GRM8: variants seen among roughly 807,000 people sequenced by gnomAD.
GRM8 encodes glutamate metabotropic receptor 8, also known as metabotropic glutamate receptor 8.
GRM8 carries 47 observed loss-of-function variants against 87.2 expected under a neutral mutation model. The ratio of observed to expected loss-of-function variants is 0.54; its 90% confidence interval spans 0.43 to 0.69. GRM8 has a LOEUF of 0.69. GRM8 is among the 30% of genes least tolerant of loss of function. GRM8 has a pLI of 0.00. For missense variants in GRM8, 1,019 were observed against 1,139.2 expected (o/e 0.89, Z 1.52); for synonymous variants, 396 against 404.5 (o/e 0.98, Z 0.25).
chr7:127,123,179 G>A (rs1177268461), intron 2 of GRM8, among the ~76,000 whole-genome samples: 3 of 152,004 alleles, frequency 2.0e-5, no homozygotes, highest in South Asian at 2.1e-4. Flanking sequence ...TATAATAGTC[G>A]CCAGGGCTAC....
chr7:127,028,729 T>A (rs372856645), intron 3 of GRM8, among the ~76,000 whole-genome samples: 3 of 152,186 alleles, frequency 2.0e-5, no homozygotes, highest in East Asian at 3.9e-4. Context: ...CTTTCTTTTC[T>A]TATTAGTCTT....
At chr7:126,909,559 A>C (rs1803073584) in intron 3 of GRM8, among the ~76,000 whole-genome samples, 1 of 152,222 alleles carries the variant, frequency 6.6e-6, no homozygotes, top group Admixed American at 6.5e-5. Flanking sequence ...CTTAGTACTT[A>C]CAGGCAAAAT....
At position 126,472,115 on chromosome 7, in the gene GRM8, C is replaced by T. The variant is rs553804888; in HGVS notation, c.2431-25743G>A. Reference sequence around the variant, plus strand: ...GAGACAATGGGGTTTTCTAGATATACAATCATGTCATCTGCAAGCAGGGAC... The same window carrying T: ...GAGACAATGGGGTTTTCTAGATATATAATCATGTCATCTGCAAGCAGGGAC... On this transcript the variant is annotated intron_variant, in intron 9 of 10. Transcript: ENST00000339582. Among the ~76,000 whole-genome samples the T allele has an allele frequency of 4.6e-5, 7 of 152,264 alleles. No individual in the cohort carries two copies. The South Asian group carries it at 1.4e-3, about 32-fold the overall frequency.
chr7:127,201,551 C>T (rs536869592), intron 2 of GRM8, among the ~76,000 whole-genome samples: 1 of 152,254 alleles, frequency 6.6e-6, no homozygotes, highest in African/African-American at 2.4e-5. Context: ...AAGGATCAAC[C>T]GGAGAGATCT....
chr7:127,071,504 C>G (rs1821684565), intron 3 of GRM8, among the ~76,000 whole-genome samples: 1 of 152,188 alleles, frequency 6.6e-6, no homozygotes, highest in Non-Finnish European at 1.5e-5. Context: ...TGTAAGACCA[C>G]TTAGAGCTAC....
In GRM8 at chr7:126,533,663, G is replaced by A. The variant is rs763341716; in HGVS notation, c.1719C>T (p.Pro573=). ...NMNRTGCQLI[P]IIKLEWHSPW... ...GAGAATGCCACTCCAATTTGATGAT[G>A]GGGATAAGCTGGCAGCCTGTGCGGT... Residue 573 remains proline, a synonymous_variant, in exon 9 of 11, where the codon CCC becomes CCT. Transcript: ENST00000339582. The A allele has an allele frequency of 3.7e-6, 6 of 1,613,874 alleles. No individual in the cohort carries two copies. Among genetic ancestry groups the A allele is most frequent in the Non-Finnish European group, 5.1e-6 (6 of 1,179,926 alleles).
intron 2 of GRM8, among the ~76,000 whole-genome samples, chr7:127,227,981 A>G (rs936747957): frequency 1.2e-4 from 19 of 152,356 alleles, no homozygotes; most frequent in Admixed American, 9.8e-4. Context: ...CTGCATTAAA[A>G]GGCTTAATTT....
intron 3 of GRM8, among the ~76,000 whole-genome samples, chr7:126,999,875 C>T (rs905340375): frequency 2.6e-5 from 4 of 151,758 alleles, no homozygotes. Context: ...TCTAGAAATC[C>T]CACCCCTGGG....
rs1342542843 is a variant in GRM8 at position 126,930,680 on chromosome 7, T to C, written c.728-25997A>G. On this transcript the variant is annotated intron_variant, in intron 3 of 10. Transcript: ENST00000339582. ...GGCCACTTTTCCTTCTAACTTCTAA[T>C]GGGTTACAAAACATAGTTAAGATTA... Among the ~76,000 whole-genome samples, 4 of 152,234 alleles carry C rather than the reference T, an allele frequency of 2.6e-5. No homozygotes were observed. In the South Asian group the frequency reaches 6.2e-4, roughly 24 times the overall value.
intron 3 of GRM8, among the ~76,000 whole-genome samples, chr7:126,938,688 A>G (rs1806587484): frequency 1.3e-5 from 2 of 152,354 alleles, no homozygotes; most frequent in South Asian, 4.1e-4. Flanking sequence ...TTGTAAAATT[A>G]AGACAATTTT....
At chr7:127,184,910 T>A (rs1400139822) in intron 2 of GRM8, among the ~76,000 whole-genome samples, 1 of 151,954 alleles carries the variant, frequency 6.6e-6, no homozygotes, top group African/African-American at 2.4e-5. Context: ...TACTTAGGTA[T>A]AAAGTCTCAG....
intron 6 of GRM8, among the ~76,000 whole-genome samples, chr7:126,840,749 T>G (rs1374346746): frequency 1.3e-5 from 2 of 152,208 alleles, no homozygotes; most frequent in Non-Finnish European, 2.9e-5. Context: ...ATACTTACTT[T>G]CGAAAGAAAG....
chr7:127,137,776 C>CA (rs1828025140), intron 2 of GRM8, among the ~76,000 whole-genome samples: 1 of 151,988 alleles, frequency 6.6e-6, no homozygotes, highest in African/African-American at 2.4e-5. Context: ...TTGTTTGATT[C>CA]AAAATGCAAT....
intron 7 of GRM8, among the ~76,000 whole-genome samples, chr7:126,702,289 G>A (rs1810024688): frequency 6.6e-6 from 1 of 152,162 alleles, no homozygotes; most frequent in Admixed American, 6.5e-5. Flanking sequence ...AGGATTTCAT[G>A]GGATGGACAG....
At chr7:126,909,172 T>C (rs1363162903) in intron 3 of GRM8, among the ~76,000 whole-genome samples, 1 of 152,198 alleles carries the variant, frequency 6.6e-6, no homozygotes, top group Non-Finnish European at 1.5e-5. Flanking sequence ...GATAACAGCA[T>C]AAGATACACC....
At chr7:126,701,348 A>G (rs534504493) in intron 7 of GRM8, among the ~76,000 whole-genome samples, 5 of 152,302 alleles carry the variant, frequency 3.3e-5, no homozygotes, top group African/African-American at 1.2e-4. Flanking sequence ...ATCGTAGTTA[A>G]TGCCAATGAT....
chr7:126,647,617 C>T (rs373534021), intron 7 of GRM8, among the ~76,000 whole-genome samples: 1 of 152,184 alleles, frequency 6.6e-6, no homozygotes, highest in East Asian at 1.9e-4. Flanking sequence ...AACCACTTGC[C>T]TCTTAGCATA....
intron 3 of GRM8, among the ~76,000 whole-genome samples, chr7:127,003,302 G>GAAA (rs1813908502): frequency 6.6e-6 from 1 of 151,618 alleles, no homozygotes; most frequent in Admixed American, 6.6e-5. Context: ...CAACATCTTA[G>GAAA]GAAAACATCC....
At chr7:126,884,628 T>C (rs921359197) in intron 6 of GRM8, among the ~76,000 whole-genome samples, 8 of 152,204 alleles carry the variant, frequency 5.3e-5, no homozygotes, top group African/African-American at 9.6e-5. Context: ...CTGTCTTTCA[T>C]TGTAGTGTGA....
Sources: gnomAD v4.1 joint callset for allele counts (sites outside exome capture counted in the v4.1 genomes callset) on GRCh38, gnomAD v4.1.1 for gene constraint, MANE v1.5 for transcripts, NCBI Gene and HGNC (gene_info 2026-07-23, HGNC 2026-07-21) for gene names.